POU6F2: variants seen among roughly 807,000 people sequenced by gnomAD.
The protein encoded by POU6F2 is POU class 6 homeobox 2, also known as POU domain, class 6, transcription factor 2.
In POU6F2, 31 loss-of-function variants were observed where a neutral mutation model predicts 71.3. The ratio of observed to expected loss-of-function variants is 0.43; its 90% confidence interval spans 0.33 to 0.59. POU6F2 has a LOEUF of 0.59. POU6F2 is among the 20% of genes least tolerant of loss of function. POU6F2 has a pLI of 0.04. For missense variants in POU6F2, 783 were observed against 856.8 expected (o/e 0.91, Z 1.07); for synonymous variants, 347 against 355.7 (o/e 0.98, Z 0.27).
At chr7:39,009,536 C>T (rs536721728) in intron 1 of POU6F2, among the ~76,000 whole-genome samples, 33 of 152,284 alleles carry the variant, frequency 2.2e-4, no homozygotes, top group Non-Finnish European at 4.1e-4. Context: ...CCTAATTGCC[C>T]TGGCCAAAAC....
chr7:39,453,657 A>G (rs892430065), intron 8 of POU6F2, among the ~76,000 whole-genome samples: 18 of 152,250 alleles, frequency 1.2e-4, no homozygotes, highest in African/African-American at 4.1e-4. Context: ...ACAGCTGGGC[A>G]GTGAAGGATT....
At chr7:39,162,099 A>G (rs1793009350) in intron 2 of POU6F2, among the ~76,000 whole-genome samples, 1 of 152,156 alleles carries the variant, frequency 6.6e-6, no homozygotes, top group Non-Finnish European at 1.5e-5. Context: ...AGGCATTTTT[A>G]TAGGACATGT....
chr7:39,358,698 A>G (rs113833015), intron 5 of POU6F2, among the ~76,000 whole-genome samples: 1 of 152,302 alleles, frequency 6.6e-6, no homozygotes, highest in South Asian at 2.1e-4. Flanking sequence ...TTTTTAACAG[A>G]AAGATTGAGT....
At chr7:39,012,285 T>C (rs957027051) in intron 1 of POU6F2, among the ~76,000 whole-genome samples, 1 of 152,168 alleles carries the variant, frequency 6.6e-6, no homozygotes, top group Non-Finnish European at 1.5e-5. Context: ...CATCTTCCAT[T>C]GCTGATACCC....
intron 2 of POU6F2, among the ~76,000 whole-genome samples, chr7:39,179,324 CAA>C (rs1793389643): frequency 6.6e-6 from 1 of 152,180 alleles, no homozygotes; most frequent in African/African-American, 2.4e-5. Flanking sequence ...GTGGCTTAGG[CAA>C]AGTTACTTTA....
chr7:39,020,161 C>T (rs1789651873), intron 1 of POU6F2, among the ~76,000 whole-genome samples: 1 of 152,128 alleles, frequency 6.6e-6, no homozygotes, highest in African/African-American at 2.4e-5. Flanking sequence ...ATTCTAGAAG[C>T]CAGTGCCTTT....
intron 2 of POU6F2, among the ~76,000 whole-genome samples, chr7:39,110,395 A>G (rs969740944): frequency 3.1e-4 from 47 of 152,066 alleles, no homozygotes; most frequent in African/African-American, 1.1e-3. Flanking sequence ...ATTGGTTTCT[A>G]TCCTCTTGAG....
intron 6 of POU6F2, among the ~76,000 whole-genome samples, chr7:39,410,223 C>A (rs1353969664): frequency 1.3e-5 from 2 of 151,790 alleles, no homozygotes; most frequent in Non-Finnish European, 3.0e-5. Context: ...CACCTGTAGT[C>A]CCAGCTACTT....
At chr7:39,004,435 TTGAA>T (rs1230591327) in intron 1 of POU6F2, among the ~76,000 whole-genome samples, 1 of 152,186 alleles carries the variant, frequency 6.6e-6, no homozygotes, top group Non-Finnish European at 1.5e-5. Context: ...TCTGGACATT[TTGAA>T]TGAGAATTTG....
At chr7:39,252,239 C>A (rs541538312) in intron 4 of POU6F2, among the ~76,000 whole-genome samples, 1 of 152,122 alleles carries the variant, frequency 6.6e-6, no homozygotes, top group South Asian at 2.1e-4. Flanking sequence ...CTCTATTTAC[C>A]TGTCCTCTGT....
intron 2 of POU6F2, among the ~76,000 whole-genome samples, chr7:39,107,405 G>GT (rs1283470917): frequency 2.0e-5 from 3 of 151,824 alleles, no homozygotes; most frequent in Non-Finnish European, 4.4e-5. Context: ...TTTTTCCCAT[G>GT]TTTTTTCAAC....
intron 4 of POU6F2, among the ~76,000 whole-genome samples, chr7:39,227,307 A>C (rs558305378): frequency 6.6e-6 from 1 of 151,954 alleles, no homozygotes; most frequent in African/African-American, 2.4e-5. Context: ...TCTTTTGTGA[A>C]GTTTTCTCGT....
chr7:39,108,983 G>A lies in POU6F2; in HGVS notation c.277+22952G>A, dbSNP rs147266836. Among the ~76,000 whole-genome samples, 1,125 of 152,270 alleles carry A rather than the reference G, an allele frequency of 7.4e-3. 5 individuals are homozygous for A. Among genetic ancestry groups the A allele is most frequent in the Non-Finnish European group, 0.01 (711 of 68,012 alleles). On this transcript the variant is annotated intron_variant, in intron 2 of 9. Coordinates refer to ENST00000518318, the MANE Select transcript of POU6F2 (RefSeq NM_001370959.1). The stretch of plus-strand genomic sequence containing the variant: ...TAACAACAACAAAAACTTATTGGGA[G>A]TCTTTAGTTGTCTGTAAATTGGGTG...
chr7:39,294,824 T>C (rs932525409), intron 4 of POU6F2, among the ~76,000 whole-genome samples: 14 of 152,098 alleles, frequency 9.2e-5, no homozygotes, highest in Admixed American at 3.3e-4. Flanking sequence ...CACCTCAAGA[T>C]TGACTTGTAT....
At chr7:39,336,187 A>G (rs1785773938) in intron 4 of POU6F2, among the ~76,000 whole-genome samples, 1 of 152,194 alleles carries the variant, frequency 6.6e-6, no homozygotes, top group Non-Finnish European at 1.5e-5. Flanking sequence ...ACTATTAACT[A>G]AATGTATGAT....
At chr7:39,162,271 C>T (rs1242754208) in intron 2 of POU6F2, among the ~76,000 whole-genome samples, 2 of 152,146 alleles carry the variant, frequency 1.3e-5, no homozygotes, top group East Asian at 1.9e-4. Context: ...GGAATATTTA[C>T]AGTAGTTAGG....
chr7:39,316,029 T>A (rs1214465684), intron 4 of POU6F2, among the ~76,000 whole-genome samples: 1 of 152,156 alleles, frequency 6.6e-6, no homozygotes, highest in African/African-American at 2.4e-5. Context: ...TAAGTTCGAT[T>A]TAGCACTGTG....
chr7:39,464,214 C>A lies in POU6F2; in HGVS notation c.1691C>A (p.Pro564Gln), dbSNP rs1016001650. 4 of 1,613,478 alleles carry A rather than the reference C, an allele frequency of 2.5e-6. No homozygotes were observed. The African/African-American group carries it at 4.0e-5, about 16-fold the overall frequency. Residue 564 changes from proline (P) to glutamine (Q), a missense_variant, in exon 10 of 10, where the codon CCA (proline) becomes CAA (glutamine). By Grantham distance (76) the Pro-to-Gln change is moderately conservative (BLOSUM62 -1). Coordinates refer to ENST00000518318, the MANE Select transcript of POU6F2 (RefSeq NM_001370959.1). This position sits in a 1 kb window ranked among gnomAD's most constrained non-coding sequence, Gnocchi z 4.1. ...ATCCTGAGAAGCCACTTTTTCCTAC[C>A]ACAGGAAGCCCAAGAGAACACTATA... Reference protein sequence around the residue: ...HTILRSHFFLPQEAQENTIAS... With the variant: ...HTILRSHFFLQQEAQENTIAS...
At position 39,034,869 on chromosome 7, in the gene POU6F2, G is replaced by C. The variant is rs374812012; in HGVS notation, c.106-50991G>C. Reference sequence around the variant, plus strand: ...CCATTTGGTTGTGAGGGGATGCCGAGTTCTCTGTTTATTTTGCTATTTTTA... The same window carrying C: ...CCATTTGGTTGTGAGGGGATGCCGACTTCTCTGTTTATTTTGCTATTTTTA... On this transcript the variant is annotated intron_variant, in intron 1 of 9. Transcript: ENST00000518318. Among the ~76,000 whole-genome samples the C allele has an allele frequency of 1.8e-4, 27 of 152,154 alleles. No individual in the cohort carries two copies. The East Asian group carries it at 3.5e-3, about 20-fold the overall frequency.
Sources: allele counts gnomAD v4.1 joint callset (sites outside exome capture counted in the v4.1 genomes callset), GRCh38; gene constraint gnomAD v4.1.1; non-coding constraint Gnocchi (gnomAD v3.1); transcripts MANE v1.5; gene names NCBI Gene and HGNC (gene_info 2026-07-23, HGNC 2026-07-21).